B3GALNT2: variants seen among roughly 807,000 people sequenced by gnomAD.
B3GALNT2 encodes UDP-GalNAc:beta-1,3-N-acetylgalactosaminyltransferase 2.
A neutral mutation model predicts 61.1 loss-of-function variants in B3GALNT2; 53 were observed. That is an observed-to-expected ratio of 0.87 (90% CI 0.70 to 1.09). The LOEUF is 1.09. Among genes scored for constraint, B3GALNT2 ranks in the 50% least tolerant of loss-of-function variants. The probability of loss-of-function intolerance (pLI) is 0.00; values close to 1 mark genes in which losing one functional copy is unlikely to be tolerated. For synonymous variants in B3GALNT2, 223 were observed against 237.4 expected, an observed-to-expected ratio of 0.94 and a Z score of 0.56; for missense variants, 544 against 623.0, an observed-to-expected ratio of 0.87 and a Z score of 1.35.
intron 8 of B3GALNT2, 88 bp from the exon 9 acceptor site, chr1:235,455,772 T>C: frequency 2.9e-6 from 4 of 1,399,926 alleles, no homozygotes; most frequent in Non-Finnish European, 3.9e-6. Context: ...CATTCAAAAC[T>C]GTACCTGTCA....
intron 1 of B3GALNT2, chr1:235,496,336 A>G: frequency 9.7e-7 from 1 of 1,030,788 alleles, no homozygotes; most frequent in South Asian, 1.8e-5. Flanking sequence ...GTTCCATTCC[A>G]AATGGAATAG....
rs549390162 is a variant in B3GALNT2 at position 235,447,267 on chromosome 1, G to A, written c.*2939C>T. 6.6e-6 allele frequency among the ~76,000 whole-genome samples: 1 copy of A among 152,094 alleles called. No homozygotes were observed. Among genetic ancestry groups the A allele is most frequent in the Non-Finnish European group, 1.5e-5 (1 of 68,010 alleles). ...ATCACAAGTTGGATAAAAACACACA[G>A]CTTTTACAAAAATGATTTTTGATAG... is the stretch of plus-strand genomic sequence containing the variant. On this transcript the variant is annotated 3_prime_UTR_variant, in exon 12 of 12. Coordinates refer to ENST00000366600, the MANE Select transcript of B3GALNT2 (RefSeq NM_152490.5).
intron 8 of B3GALNT2, among the ~76,000 whole-genome samples, chr1:235,458,052 C>T (rs1447036923): frequency 1.3e-5 from 2 of 151,894 alleles, no homozygotes; most frequent in Non-Finnish European, 2.9e-5. Flanking sequence ...GCATTATAGG[C>T]GCTCGCCACC....
rs2102863392 is a variant in B3GALNT2 at position 235,494,829 on chromosome 1, C to G, written c.113-1G>C. 1 of 1,600,466 alleles carries G rather than the reference C, an allele frequency of 6.2e-7. No homozygotes were observed. On this transcript the variant is annotated splice_acceptor_variant, in intron 1 of 11. Transcript: ENST00000366600. LOFTEE classifies it high-confidence loss of function. Reference sequence around the variant, plus strand: ...CACTGAGGAAATAAGGCCAACTGATCTAGAAATAAGAACAATACATGAGAA... The same window carrying G: ...CACTGAGGAAATAAGGCCAACTGATGTAGAAATAAGAACAATACATGAGAA...
intron 3 of B3GALNT2, among the ~76,000 whole-genome samples, chr1:235,487,103 G>A (rs1054523133): frequency 6.6e-6 from 1 of 151,372 alleles, no homozygotes; most frequent in Non-Finnish European, 1.5e-5. Flanking sequence ...GGAGGTTGCA[G>A]TGAGCCGAGA....
intron 6 of B3GALNT2, among the ~76,000 whole-genome samples, chr1:235,468,299 T>C (rs557250423): frequency 6.6e-5 from 10 of 152,290 alleles, no homozygotes; most frequent in African/African-American, 2.2e-4. Context: ...TTTCTTAGCG[T>C]AGGCTTTAAA....
intron 3 of B3GALNT2, among the ~76,000 whole-genome samples, chr1:235,488,692 CAAAAAAAAAAAAAAA>C (rs11436508): frequency 8.9e-4 from 34 of 38,022 alleles, no homozygotes; most frequent in Admixed American, 3.6e-3. Flanking sequence ...ACTCCATCTC[CAAAAAAAAAAAAAAA>C]AAAAAAAAAA....
chr1:235,440,216 C>A, the B3GALNT2 span, among the ~76,000 whole-genome samples: 1 of 152,168 alleles, frequency 6.6e-6, no homozygotes, highest in Admixed American at 6.5e-5. Context: ...GTGATCCACC[C>A]ACCTTGGCCT....
Position 235,489,377 on chromosome 1 carries a change from GATTA to G in B3GALNT2, c.261-113_261-110del, listed in dbSNP as rs560043310. On this transcript the variant is annotated intron_variant, in intron 2 of 11. Coordinates refer to ENST00000366600, the MANE Select transcript of B3GALNT2 (RefSeq NM_152490.5). Reference sequence around the variant, plus strand: ...ACTTTGAGACACAAGTGTTTATGAGGATTAATTCTCTACCTTTATTCTTCTAGTC... The same window carrying G: ...ACTTTGAGACACAAGTGTTTATGAGGATTCTCTACCTTTATTCTTCTAGTC... The G allele has an allele frequency of 3.9e-3, 5,802 of 1,483,284 alleles. 16 individuals are homozygous for G. Among genetic ancestry groups the G allele is most frequent in the South Asian group, 5.2e-3 (367 of 71,090 alleles). 91.9% of individuals were successfully genotyped at this position (1,483,284 alleles called of 1,614,324 possible). A position where few individuals can be genotyped will look rare whatever the true frequency, so the allele number is the denominator to read the frequency against.
chr1:235,492,537 G>C (rs1430981257), intron 2 of B3GALNT2, among the ~76,000 whole-genome samples: 1 of 152,158 alleles, frequency 6.6e-6, no homozygotes, highest in African/African-American at 2.4e-5. Context: ...AATAGTTGTT[G>C]AGTGCCTTAG....
rs762698227 is a variant in B3GALNT2 at position 235,457,235 on chromosome 1, G to GT, written c.1025+1367dup. Among the ~76,000 whole-genome samples the GT allele has an allele frequency of 1.8e-3, 268 of 152,226 alleles. 1 individual carries two copies. The highest frequency in any genetic ancestry group is 3.3e-3 in the Non-Finnish European group (224 of 68,018). ...CTGTATCCGTAAAGTACTGTTCTTG[G>GT]TAACTTCCCACTCTGCCTAGGGCAA... On this transcript the variant is annotated intron_variant, in intron 8 of 11. Coordinates refer to ENST00000366600, the MANE Select transcript of B3GALNT2 (RefSeq NM_152490.5).
chr1:235,451,369 G>A (rs1284517409), intron 11 of B3GALNT2: 2 of 149,172 alleles, frequency 1.3e-5, no homozygotes, highest in African/African-American at 2.5e-5. Context: ...ATAGATGGTA[G>A]TATTCCTAGA....
chr1:235,474,896 T>C (rs999627279), intron 5 of B3GALNT2, among the ~76,000 whole-genome samples: 5 of 142,394 alleles, frequency 3.5e-5, no homozygotes, highest in Admixed American at 7.3e-5. Flanking sequence ...TGCTTTTTAC[T>C]GAAATTAGTT....
intron 7 of B3GALNT2, among the ~76,000 whole-genome samples, chr1:235,461,201 A>T (rs1221041109): frequency 6.6e-6 from 1 of 152,190 alleles, no homozygotes; most frequent in Admixed American, 6.5e-5. Context: ...CCTATATCTG[A>T]CTTCTGCCTC....
At chr1:235,477,639 G>T (rs1684349707) in intron 5 of B3GALNT2, among the ~76,000 whole-genome samples, 1 of 152,026 alleles carries the variant, frequency 6.6e-6, no homozygotes, top group South Asian at 2.1e-4. Flanking sequence ...GTGGTGTCCT[G>T]TGGCTGCAGG....
chr1:235,494,406 A>C (rs1685215322), intron 2 of B3GALNT2, among the ~76,000 whole-genome samples: 1 of 152,164 alleles, frequency 6.6e-6, no homozygotes, highest in South Asian at 2.1e-4. Flanking sequence ...TCCCAGGAAG[A>C]GCCCACATAT....
At chr1:235,463,015 A>G (rs376401753) in intron 7 of B3GALNT2, among the ~76,000 whole-genome samples, 5 of 151,996 alleles carry the variant, frequency 3.3e-5, no homozygotes, top group African/African-American at 7.2e-5. Context: ...AAAATGTGGT[A>G]TATATATATA....
rs575037876 is a variant in B3GALNT2 at position 235,504,104 on chromosome 1, C to T, written c.112+37G>A. Reference sequence around the variant, plus strand: ...GCACCAAGCCGGGCCTCCCACCCCCCCGGCGGCCGCCAACCCGCCCGGCCC... The same window carrying T: ...GCACCAAGCCGGGCCTCCCACCCCCTCGGCGGCCGCCAACCCGCCCGGCCC... On this transcript the variant is annotated intron_variant, in intron 1 of 11. Coordinates refer to ENST00000366600, the MANE Select transcript of B3GALNT2 (RefSeq NM_152490.5). 106 of 1,209,260 alleles carry T rather than the reference C, an allele frequency of 8.8e-5. 2 individuals are homozygous for T. In the South Asian group the frequency reaches 2.3e-3, roughly 27 times the overall value. 74.9% of individuals were successfully genotyped at this position (1,209,260 alleles called of 1,614,324 possible).
chr1:235,442,794 A>G, downstream of B3GALNT2: 1 of 1,537,466 alleles, frequency 6.5e-7, no homozygotes, highest in Non-Finnish European at 8.9e-7. Context: ...GTGTGTGGAT[A>G]ATTTAAATCC....
Sources: gnomAD v4.1 joint callset for allele counts (sites outside exome capture counted in the v4.1 genomes callset) on GRCh38, gnomAD v4.1.1 for gene constraint, MANE v1.5 for transcripts, NCBI Gene and HGNC (gene_info 2026-07-23, HGNC 2026-07-21) for gene names.